The following HS2ST1 variants were observed in gnomAD, a reference collection of about 807,000 sequenced individuals.
HS2ST1 encodes heparan sulfate 2-O-sulfotransferase 1, also known as 2-O-sulfotransferase.
A neutral mutation model predicts 42.9 loss-of-function variants in HS2ST1; 18 were observed. The ratio of observed to expected loss-of-function variants is 0.42; its 90% confidence interval spans 0.29 to 0.62. The LOEUF (loss-of-function observed/expected upper bound fraction) is 0.62. Ranked by LOEUF, HS2ST1 falls within the 20% of genes least tolerant of loss-of-function variation. The pLI, the probability that HS2ST1 is intolerant of heterozygous loss-of-function variation, is 0.21. For synonymous variants in HS2ST1, 146 were observed against 152.9 expected (o/e 0.95, Z 0.33); for missense variants, 334 against 433.8 (o/e 0.77, Z 2.04).
chr1:87,011,063 G>A (rs1217485059), intron 1 of HS2ST1, among the ~76,000 whole-genome samples: 1 of 152,098 alleles, frequency 6.6e-6, no homozygotes, highest in Non-Finnish European at 1.5e-5. Flanking sequence ...TGGGATTATA[G>A]GCATGAGCCA....
At chr1:87,090,218 A>G (rs1651906930) in intron 3 of HS2ST1, among the ~76,000 whole-genome samples, 1 of 152,024 alleles carries the variant, frequency 6.6e-6, no homozygotes, top group African/African-American at 2.4e-5. Flanking sequence ...CCTCAACCTA[A>G]TTCTATTAAT....
At chr1:87,040,040 C>G (rs765610340) in intron 1 of HS2ST1, among the ~76,000 whole-genome samples, 1 of 151,970 alleles carries the variant, frequency 6.6e-6, no homozygotes, top group African/African-American at 2.4e-5. Context: ...TAAGAAGGAA[C>G]AAAAGTAGTT....
At chr1:86,971,535 A>G (rs1156789919) in intron 1 of HS2ST1, among the ~76,000 whole-genome samples, 1 of 152,216 alleles carries the variant, frequency 6.6e-6, no homozygotes, top group East Asian at 1.9e-4. Flanking sequence ...CTAGTCTTAT[A>G]TCTAACAGAT....
At chr1:86,991,180 C>G (rs543545200) in intron 1 of HS2ST1, among the ~76,000 whole-genome samples, 3 of 151,882 alleles carry the variant, frequency 2.0e-5, no homozygotes, top group South Asian at 4.2e-4. Context: ...TTGGGGCTTG[C>G]TAGATGCTCC....
At chr1:86,926,040 G>A (rs765430263) in intron 1 of HS2ST1, among the ~76,000 whole-genome samples, 1 of 152,104 alleles carries the variant, frequency 6.6e-6, no homozygotes, top group Non-Finnish European at 1.5e-5. Context: ...AGACAGTTTT[G>A]TCTTTTTGAG....
rs529364321 is a variant in HS2ST1 at position 87,079,682 on chromosome 1, C to G, written c.364-4512C>G. Among the ~76,000 whole-genome samples the G allele has an allele frequency of 1.2e-3, 181 of 152,184 alleles. 1 individual carries two copies. The highest frequency in any genetic ancestry group is 4.1e-3 in the African/African-American group (170 of 41,522). ...TACGTATGCCAGATATATTACATGT[C>G]TAGCCTTTAGTATGCTTTTAGTTTG... On this transcript the variant is annotated intron_variant, in intron 2 of 6. Coordinates refer to ENST00000370550, the MANE Select transcript of HS2ST1 (RefSeq NM_012262.4).
At chr1:87,028,657 G>GATACATGT (rs1301988007) in intron 1 of HS2ST1, among the ~76,000 whole-genome samples, 2 of 152,162 alleles carry the variant, frequency 1.3e-5, no homozygotes, top group African/African-American at 4.8e-5. Context: ...CCATATGTTA[G>GATACATGT]ATACATGTAT....
At chr1:87,045,127 G>T in intron 1 of HS2ST1, 1 of 867,084 alleles carries the variant, frequency 1.2e-6, no homozygotes, top group Non-Finnish European at 2.0e-6. Flanking sequence ...GAGGTGGAAG[G>T]CTGACCTCCA....
chr1:86,926,359 G>A (rs919407241), intron 1 of HS2ST1, among the ~76,000 whole-genome samples: 3 of 152,238 alleles, frequency 2.0e-5, no homozygotes, highest in Non-Finnish European at 2.9e-5. Context: ...AACTTCAGCC[G>A]CCTTGTCTTT....
chr1:87,020,902 T>G (rs1649925855), intron 1 of HS2ST1, among the ~76,000 whole-genome samples: 1 of 152,180 alleles, frequency 6.6e-6, no homozygotes, highest in Non-Finnish European at 1.5e-5. Flanking sequence ...TCTTTAGCCC[T>G]CATCTAAATG....
rs1260857185 is a variant in HS2ST1 at position 87,098,061 on chromosome 1, CA to C, written c.686+127del. The stretch of plus-strand genomic sequence containing the variant: ...ACTAGACTAAAAATAACATGTAATT[CA>C]GTAATATCTAGTTTTGCAGTTACTT... On this transcript the variant is annotated intron_variant, in intron 5 of 6. Coordinates refer to ENST00000370550, the MANE Select transcript of HS2ST1 (RefSeq NM_012262.4). 4.4e-5 allele frequency: 65 copies of C among 1,474,696 alleles called. 1 individual carries two copies. The South Asian group carries it at 6.7e-4, about 15-fold the overall frequency. 91.4% of individuals were successfully genotyped at this position (1,474,696 alleles called of 1,614,324 possible). A position where few individuals can be genotyped will look rare whatever the true frequency, so the allele number is the denominator to read the frequency against.
At chr1:87,015,246 C>T (rs1161619648) in intron 1 of HS2ST1, among the ~76,000 whole-genome samples, 2 of 151,988 alleles carry the variant, frequency 1.3e-5, no homozygotes, top group South Asian at 2.1e-4. Context: ...ACGGGTTTCA[C>T]CATGTCAGCC....
At chr1:86,943,326 T>G (rs1235567235) in intron 1 of HS2ST1, among the ~76,000 whole-genome samples, 1 of 152,170 alleles carries the variant, frequency 6.6e-6, no homozygotes, top group Non-Finnish European at 1.5e-5. Flanking sequence ...CGAGAAGAAA[T>G]TATTGTTATA....
chr1:86,940,356 A>G (rs1162279386), intron 1 of HS2ST1, among the ~76,000 whole-genome samples: 1 of 152,234 alleles, frequency 6.6e-6, no homozygotes, highest in Non-Finnish European at 1.5e-5. Context: ...CCTGGGCAAC[A>G]GAGCAAGTCC....
At position 87,011,526 on chromosome 1, in the gene HS2ST1, A is replaced by T. The variant is rs1337095844; in HGVS notation, c.125-61408A>T. 2.0e-5 allele frequency among the ~76,000 whole-genome samples: 3 copies of T among 152,310 alleles called. No homozygotes were observed. The South Asian group carries it at 6.2e-4, about 32-fold the overall frequency. On this transcript the variant is annotated intron_variant, in intron 1 of 6. Coordinates refer to ENST00000370550, the MANE Select transcript of HS2ST1 (RefSeq NM_012262.4). ...CCAAAGTGCTGAGATTACAGGCATG[A>T]GCCACTGTGCCCAGCTGTTCCCCAG...
chr1:87,088,931 TGA>T (rs1041780689), intron 3 of HS2ST1, among the ~76,000 whole-genome samples: 24 of 152,090 alleles, frequency 1.6e-4, no homozygotes, highest in African/African-American at 4.8e-4. Flanking sequence ...GCTTTAGGTC[TGA>T]GAGAGTCCAG....
chr1:87,003,810 T>C (rs1649357674), intron 1 of HS2ST1, among the ~76,000 whole-genome samples: 1 of 152,136 alleles, frequency 6.6e-6, no homozygotes, highest in African/African-American at 2.4e-5. Flanking sequence ...AGAGATGATA[T>C]AAGTATACAG....
chr1:87,095,590 C>G (rs953380719), intron 4 of HS2ST1, among the ~76,000 whole-genome samples: 7 of 152,090 alleles, frequency 4.6e-5, no homozygotes, highest in African/African-American at 1.7e-4. Context: ...TGCCCAGTAC[C>G]TGGGAAAATA....
chr1:86,915,028 G>T lies in HS2ST1; in HGVS notation c.-9G>T. ...CCGCGGTATGTCTTGATCCCGAGCA[G>T]CGGGTTTCATGGGGCTCCTCAGGAT... On this transcript the variant is annotated 5_prime_UTR_variant, in exon 1 of 7. Coordinates refer to ENST00000370550, the MANE Select transcript of HS2ST1 (RefSeq NM_012262.4). The T allele has an allele frequency of 6.2e-7, 1 of 1,614,124 alleles. No homozygotes were observed. The highest frequency in any genetic ancestry group is 8.5e-7 in the Non-Finnish European group (1 of 1,180,008).
Sources: allele counts gnomAD v4.1 joint callset (sites outside exome capture counted in the v4.1 genomes callset), GRCh38; gene constraint gnomAD v4.1.1; transcripts MANE v1.5; gene names NCBI Gene and HGNC (gene_info 2026-07-23, HGNC 2026-07-21).